Variants in PIGB observed in about 807,000 individuals in gnomAD.
PIGB encodes phosphatidylinositol glycan anchor biosynthesis class B.
A neutral mutation model predicts 68.4 loss-of-function variants in PIGB; 58 were observed. That is an observed-to-expected ratio of 0.85 (90% CI 0.69 to 1.06). PIGB has a LOEUF of 1.06. Among genes scored for constraint, PIGB ranks in the 50% least tolerant of loss-of-function variants. The pLI is 0.00. For missense variants in PIGB, 634 were observed against 655.8 expected, an observed-to-expected ratio of 0.97 and a Z score of 0.36; for synonymous variants, 219 against 220.5, an observed-to-expected ratio of 0.99 and a Z score of 0.06.
At chr15:55,343,837 C>A (rs1318961092) in intron 9 of PIGB, among the ~76,000 whole-genome samples, 1 of 152,170 alleles carries the variant, frequency 6.6e-6, no homozygotes, top group South Asian at 2.1e-4. Flanking sequence ...GGTCAAAAAA[C>A]TCTAATTCCT....
At chr15:55,351,896 T>C (rs1417322681) in intron 10 of PIGB, 1 of 115,806 alleles carries the variant, frequency 8.6e-6, no homozygotes, top group Non-Finnish European at 1.8e-5. Flanking sequence ...AAAAAAAACA[T>C]GGATTTTAGT....
intron 6 of PIGB, among the ~76,000 whole-genome samples, chr15:55,335,385 G>A (rs541043177): frequency 6.6e-6 from 1 of 152,320 alleles, no homozygotes; most frequent in South Asian, 2.1e-4. Context: ...TGCATTAAAT[G>A]TATTCATTCA....
At chr15:55,352,688 C>T (rs2055951264) in intron 10 of PIGB, among the ~76,000 whole-genome samples, 1 of 152,042 alleles carries the variant, frequency 6.6e-6, no homozygotes, top group African/African-American at 2.4e-5. Context: ...ACTCGGGAGG[C>T]GGAGGTTGCA....
chr15:55,327,098 C>T (rs1057076942), intron 3 of PIGB, among the ~76,000 whole-genome samples: 4 of 150,984 alleles, frequency 2.6e-5, no homozygotes, highest in Non-Finnish European at 4.4e-5. Context: ...GAGACCCTGT[C>T]AATCAATCAA....
At chr15:55,327,085 A>T (rs1043154718) in intron 3 of PIGB, among the ~76,000 whole-genome samples, 1 of 151,834 alleles carries the variant, frequency 6.6e-6, no homozygotes, top group Non-Finnish European at 1.5e-5. Context: ...TGGGTAACAG[A>T]GTGAGACCCT....
chr15:55,351,161 G>T (rs2055913830), intron 10 of PIGB, among the ~76,000 whole-genome samples: 2 of 145,126 alleles, frequency 1.4e-5, no homozygotes, highest in South Asian at 4.3e-4. Flanking sequence ...AGGCTGGAGT[G>T]CAGTGGCGCG....
At chr15:55,340,395 G>A (rs567668970) in intron 7 of PIGB, 25 of 259,890 alleles carry the variant, frequency 9.6e-5, no homozygotes, top group Non-Finnish European at 1.7e-4. Context: ...GGCGGAGCTT[G>A]CAGTGAGCCG....
rs1043570846 is a variant in PIGB, at chr15:55,340,298, T to C, written c.847-314T>C. The C allele has an allele frequency of 3.6e-5, 6 of 168,156 alleles. No individual in the cohort carries two copies. In the East Asian group the frequency reaches 1.1e-3, roughly 30 times the overall value. 10.4% of individuals were successfully genotyped at this position (168,156 alleles called of 1,614,324 possible). On this transcript the variant is annotated intron_variant, in intron 7 of 11. Coordinates refer to ENST00000164305, the MANE Select transcript of PIGB (RefSeq NM_004855.5). Reference sequence around the variant, plus strand: ...GGTGAAACCCCGTCTCTACTAAAAATAGAAAAAATTAGCCGGGCGTGGTAG... The same window carrying C: ...GGTGAAACCCCGTCTCTACTAAAAACAGAAAAAATTAGCCGGGCGTGGTAG...
chr15:55,319,449 C>G (rs1030212581), intron 1 of PIGB, 36 bp downstream of exon 1: 1 of 1,516,404 alleles, frequency 6.6e-7, no homozygotes, highest in Non-Finnish European at 8.9e-7. Context: ...AGCTCCTACC[C>G]CCATCTAAAA....
At chr15:55,335,764 T>A (rs1486841904) in intron 6 of PIGB, among the ~76,000 whole-genome samples, 1 of 152,088 alleles carries the variant, frequency 6.6e-6, no homozygotes, top group Non-Finnish European at 1.5e-5. Flanking sequence ...AGCCAAGTAC[T>A]AAGTATGCTG....
intron 6 of PIGB, among the ~76,000 whole-genome samples, chr15:55,336,041 A>G (rs906569043): frequency 6.6e-6 from 1 of 152,138 alleles, no homozygotes; most frequent in African/African-American, 2.4e-5. Context: ...TCTGTGGGGG[A>G]AAAAGATATA....
At chr15:55,352,453 G>C (rs2055945867) in intron 10 of PIGB, among the ~76,000 whole-genome samples, 1 of 152,162 alleles carries the variant, frequency 6.6e-6, no homozygotes, top group Non-Finnish European at 1.5e-5. Flanking sequence ...TAATTACCCA[G>C]TAATGGTATA....
At chr15:55,340,951 A>G in intron 8 of PIGB, 128 bp downstream of exon 8, 1 of 609,486 alleles carries the variant, frequency 1.6e-6, no homozygotes, top group South Asian at 2.2e-5. Context: ...TTATCTTAGA[A>G]GATACAAGTA....
intron 11 of PIGB, 77 bp downstream of exon 11, chr15:55,355,055 T>C: frequency 8.4e-7 from 1 of 1,195,874 alleles, no homozygotes; most frequent in Non-Finnish European, 1.2e-6. Flanking sequence ...GGTAAATAGA[T>C]AATATAACCT....
intron 8 of PIGB, 134 bp downstream of exon 8, chr15:55,340,957 AAGT>A (rs1566955333): frequency 3.3e-6 from 2 of 598,044 alleles, no homozygotes; most frequent in Admixed American, 3.1e-5. Context: ...TAGAAGATAC[AAGT>A]AGTAGTAATT....
At chr15:55,336,465 C>T (rs910587313) in intron 6 of PIGB, among the ~76,000 whole-genome samples, 1 of 152,184 alleles carries the variant, frequency 6.6e-6, no homozygotes, top group Non-Finnish European at 1.5e-5. Flanking sequence ...AACATCACAG[C>T]TTAGCCTACC....
Position 55,341,844 on chromosome 15 carries a change from A to G in PIGB, c.1123+42A>G, listed in dbSNP as rs748873887. ...GTTATAGAAAATAAATTATATAGAA[A>G]TAGTCTAAAGACAACACATCCTCAT... On this transcript the variant is annotated intron_variant, in intron 9 of 11. Coordinates refer to ENST00000164305, the MANE Select transcript of PIGB (RefSeq NM_004855.5). 9 of 880,560 alleles carry G rather than the reference A, an allele frequency of 1.0e-5. No individual in the cohort carries two copies. The South Asian group carries it at 2.4e-4, about 24-fold the overall frequency. 54.5% of individuals were successfully genotyped at this position (880,560 alleles called of 1,614,324 possible).
rs544318826 is a variant in PIGB, at chr15:55,344,203, T to G, written c.1123+2401T>G. ...CAGGTCTACATTTCAACTGGGCAGT[T>G]CTCATCTCCACTGAGCTCACTTACA... is the stretch of plus-strand genomic sequence containing the variant. On this transcript the variant is annotated intron_variant, in intron 9 of 11. Coordinates refer to ENST00000164305, the MANE Select transcript of PIGB (RefSeq NM_004855.5). Among the ~76,000 whole-genome samples, 4 of 152,370 alleles carry G rather than the reference T, an allele frequency of 2.6e-5. No individual in the cohort carries two copies. The South Asian group carries it at 8.3e-4, about 32-fold the overall frequency.
In PIGB at chr15:55,321,300, A is replaced by AGAG. The variant is rs760626065; in HGVS notation, c.328_330dup (p.Glu110dup). On this transcript the variant is annotated inframe_insertion, in exon 3 of 12. Transcript: ENST00000164305. ...ATGGTTATTTGACTTGGGAATGGAC[A>AGAG]GAGAGACTGAGGAGTTACACTTATC... 5.6e-6 allele frequency: 9 copies of AGAG among 1,605,336 alleles called. No homozygotes were observed. Among genetic ancestry groups the AGAG allele is most frequent in the Middle Eastern group, 1.7e-4 (1 of 6,022 alleles).
Sources: allele counts gnomAD v4.1 joint callset (sites outside exome capture counted in the v4.1 genomes callset), GRCh38; gene constraint gnomAD v4.1.1; transcripts MANE v1.5; gene names NCBI Gene and HGNC (gene_info 2026-07-23, HGNC 2026-07-21).